The following CCSER1 variants were observed in gnomAD, a reference collection of about 807,000 sequenced individuals.
The protein encoded by CCSER1 is coiled-coil serine rich protein 1, also known as serine-rich coiled-coil domain-containing protein 1.
Under a neutral mutation model 82.0 loss-of-function variants are expected in CCSER1, and 41 were observed. That is an observed-to-expected ratio of 0.50 (90% CI 0.39 to 0.65). The LOEUF is 0.65. CCSER1 is among the 30% of genes least tolerant of loss of function. The pLI, the probability that CCSER1 is intolerant of heterozygous loss-of-function variation, is 0.00. For missense variants in CCSER1, 1,119 were observed against 1,064.2 expected (o/e 1.05, Z -0.72); for synonymous variants, 414 against 383.9 (o/e 1.08, Z -0.92).
intron 10 of CCSER1, among the ~76,000 whole-genome samples, chr4:91,303,692 T>C (rs1449069713): frequency 1.3e-5 from 2 of 151,656 alleles, no homozygotes; most frequent in Non-Finnish European, 2.9e-5. Context: ...TTACTGGAGA[T>C]GCTGAGGTGG....
At chr4:90,492,055 T>C (rs887232699) in intron 5 of CCSER1, among the ~76,000 whole-genome samples, 1 of 152,186 alleles carries the variant, frequency 6.6e-6, no homozygotes, top group Admixed American at 6.5e-5. Flanking sequence ...GAGGATTCCC[T>C]CTTTTTCTAG....
intron 10 of CCSER1, among the ~76,000 whole-genome samples, chr4:91,496,838 AAT>A (rs70937009): frequency 0.57 from 40,610 of 71,082 alleles, 14,713 homozygotes; most frequent in Middle Eastern, 0.73. Context: ...ATATATATTG[AAT>A]ATATATATAT....
At chr4:90,485,685 C>G (rs566524853) in intron 5 of CCSER1, among the ~76,000 whole-genome samples, 3 of 152,072 alleles carry the variant, frequency 2.0e-5, no homozygotes, top group Non-Finnish European at 4.4e-5. Flanking sequence ...TTTCCTGATC[C>G]TTTCCTTTCT....
At chr4:91,073,887 C>G (rs1721686802) in intron 9 of CCSER1, among the ~76,000 whole-genome samples, 1 of 152,068 alleles carries the variant, frequency 6.6e-6, no homozygotes, top group African/African-American at 2.4e-5. Flanking sequence ...CATTACAACT[C>G]TCTATATCCT....
At chr4:90,936,248 T>C (rs1039575596) in intron 9 of CCSER1, among the ~76,000 whole-genome samples, 1 of 152,094 alleles carries the variant, frequency 6.6e-6, no homozygotes, top group African/African-American at 2.4e-5. Context: ...TGACAATATA[T>C]TGAATGCATT....
At chr4:91,492,228 C>T (rs985289477) in intron 10 of CCSER1, among the ~76,000 whole-genome samples, 5 of 152,078 alleles carry the variant, frequency 3.3e-5, no homozygotes, top group African/African-American at 1.2e-4. Flanking sequence ...CTCAACCCCA[C>T]TGTCTGTAGG....
At chr4:90,444,792 A>T (rs1324721023) in intron 4 of CCSER1, among the ~76,000 whole-genome samples, 2 of 152,056 alleles carry the variant, frequency 1.3e-5, no homozygotes, top group East Asian at 3.9e-4. Flanking sequence ...CAATACCTTT[A>T]TTAAAAGGGT....
At chr4:91,222,420 A>G (rs760629080) in intron 10 of CCSER1, among the ~76,000 whole-genome samples, 7 of 152,150 alleles carry the variant, frequency 4.6e-5, no homozygotes, top group Non-Finnish European at 8.8e-5. Context: ...AAGAGAGGTA[A>G]AAATGTTCAA....
At chr4:90,560,574 A>C (rs1182643564) in intron 5 of CCSER1, among the ~76,000 whole-genome samples, 1 of 152,150 alleles carries the variant, frequency 6.6e-6, no homozygotes, top group Non-Finnish European at 1.5e-5. Flanking sequence ...GGTCTTCATC[A>C]GTGTCATGTT....
chr4:91,486,383 A>C (rs1258301016), intron 10 of CCSER1, among the ~76,000 whole-genome samples: 2 of 152,048 alleles, frequency 1.3e-5, no homozygotes, highest in African/African-American at 4.8e-5. Flanking sequence ...GATTAGAGAC[A>C]CTTTTTTGAA....
At chr4:90,682,596 C>A (rs1399128819) in intron 6 of CCSER1, among the ~76,000 whole-genome samples, 1 of 151,846 alleles carries the variant, frequency 6.6e-6, no homozygotes, top group Non-Finnish European at 1.5e-5. Context: ...GGGCTCTGTT[C>A]CGTAAAGTCA....
intron 10 of CCSER1, among the ~76,000 whole-genome samples, chr4:91,509,434 G>A (rs942506585): frequency 6.6e-6 from 1 of 151,924 alleles, no homozygotes; most frequent in African/African-American, 2.4e-5. Context: ...TGTTCTGCTT[G>A]AAGAATATAT....
intron 1 of CCSER1, among the ~76,000 whole-genome samples, chr4:90,298,171 T>C (rs1732368387): frequency 6.6e-6 from 1 of 151,918 alleles, no homozygotes; most frequent in Non-Finnish European, 1.5e-5. Flanking sequence ...CAATTTCAGC[T>C]CCTGTTATTG....
At chr4:91,464,792 C>G (rs1420538741) in intron 10 of CCSER1, among the ~76,000 whole-genome samples, 1 of 152,134 alleles carries the variant, frequency 6.6e-6, no homozygotes, top group African/African-American at 2.4e-5. Flanking sequence ...ATCAATTCAA[C>G]AAAAAGAGCT....
intron 6 of CCSER1, among the ~76,000 whole-genome samples, chr4:90,718,928 T>G (rs1484688497): frequency 3.3e-5 from 5 of 152,132 alleles, no homozygotes; most frequent in Admixed American, 2.6e-4. Flanking sequence ...CCATCATTGG[T>G]GCATTACTAT....
At chr4:90,879,646 G>A (rs532781138) in intron 8 of CCSER1, among the ~76,000 whole-genome samples, 1 of 147,098 alleles carries the variant, frequency 6.8e-6, no homozygotes, top group South Asian at 2.2e-4. Context: ...AAAGAAGAAA[G>A]AGGAAGAAGA....
At chr4:90,910,104 CAGAG>C (rs1312015012) in intron 8 of CCSER1, among the ~76,000 whole-genome samples, 2 of 151,980 alleles carry the variant, frequency 1.3e-5, no homozygotes, top group African/African-American at 2.4e-5. Flanking sequence ...GCAGGAAAGA[CAGAG>C]AGAGAGAAAG....
At chr4:90,833,259 T>C (rs1761358148) in intron 8 of CCSER1, among the ~76,000 whole-genome samples, 1 of 152,132 alleles carries the variant, frequency 6.6e-6, no homozygotes, top group African/African-American at 2.4e-5. Flanking sequence ...TAACTCATTT[T>C]CTCCAGCCCT....
chr4:91,556,353 G>A (rs1762403064), intron 10 of CCSER1, among the ~76,000 whole-genome samples: 1 of 150,304 alleles, frequency 6.7e-6, no homozygotes, highest in South Asian at 2.1e-4. Flanking sequence ...TTTTTAAAGT[G>A]GATTATTAAT....
Sources: gnomAD v4.1 joint callset for allele counts (sites outside exome capture counted in the v4.1 genomes callset) on GRCh38, gnomAD v4.1.1 for gene constraint, MANE v1.5 for transcripts, NCBI Gene and HGNC (gene_info 2026-07-23, HGNC 2026-07-21) for gene names.